AVEN: variants seen among roughly 807,000 people sequenced by gnomAD.
AVEN encodes the protein cell death regulator Aven.
A neutral mutation model predicts 38.1 loss-of-function variants in AVEN; 41 were observed. The ratio of observed to expected loss-of-function variants is 1.08; its 90% CI spans 0.84 to 1.40. The LOEUF (loss-of-function observed/expected upper bound fraction) is 1.40, where lower values mean the gene tolerates loss of function less well. Among genes scored for constraint, AVEN ranks in the 40% most tolerant of loss-of-function variants. The probability of loss-of-function intolerance (pLI) is 0.00; values close to 1 mark genes in which losing one functional copy is unlikely to be tolerated. For missense variants in AVEN, 605 were observed against 438.8 expected, an observed-to-expected ratio of 1.38 and a Z score of -3.38; for synonymous variants, 206 against 171.8, an observed-to-expected ratio of 1.20 and a Z score of -1.56.
At chr15:34,037,978 C>T (rs1397679574) in intron 1 of AVEN, among the ~76,000 whole-genome samples, 1 of 152,172 alleles carries the variant, frequency 6.6e-6, no homozygotes, top group Non-Finnish European at 1.5e-5. Context: ...AAAAGACAGT[C>T]CTCTAACTCC....
intron 2 of AVEN, among the ~76,000 whole-genome samples, chr15:33,942,652 A>C (rs547424587): frequency 6.6e-6 from 1 of 151,956 alleles, no homozygotes; most frequent in Non-Finnish European, 1.5e-5. Flanking sequence ...GGGGTTTCAC[A>C]GTGTTAGCCA....
At chr15:33,883,231 A>G (rs114872053) in intron 2 of AVEN, among the ~76,000 whole-genome samples, 2,411 of 152,280 alleles carry the variant, frequency 0.016, 69 homozygotes, top group African/African-American at 0.054. Flanking sequence ...TAGTATTGCA[A>G]ATGTGTAGTG....
At chr15:33,875,419 G>C (rs1891177691) in intron 3 of AVEN, among the ~76,000 whole-genome samples, 2 of 152,116 alleles carry the variant, frequency 1.3e-5, no homozygotes, top group African/African-American at 4.8e-5. Flanking sequence ...TACACACAAA[G>C]AAAATAAGGC....
chr15:33,978,663 AAAATAAAT>A (rs1211263683), intron 2 of AVEN, among the ~76,000 whole-genome samples: 2 of 151,962 alleles, frequency 1.3e-5, no homozygotes, highest in Non-Finnish European at 2.9e-5. Context: ...ACTCTGTTTC[AAAATAAAT>A]AAATAAATAA....
intron 2 of AVEN, among the ~76,000 whole-genome samples, chr15:33,974,283 G>A (rs990320238): frequency 6.6e-6 from 1 of 152,196 alleles, no homozygotes; most frequent in Non-Finnish European, 1.5e-5. Flanking sequence ...GATGAGTGGA[G>A]AAAGTGACAC....
At chr15:33,937,606 C>T (rs147880577) in intron 2 of AVEN, among the ~76,000 whole-genome samples, 3,818 of 152,102 alleles carry the variant, frequency 0.025, 74 homozygotes, top group African/African-American at 0.048. Context: ...CCCTAACCCC[C>T]CAATGTGATA....
intron 3 of AVEN, among the ~76,000 whole-genome samples, chr15:33,875,272 G>A (rs1891170637): frequency 6.6e-6 from 1 of 152,132 alleles, no homozygotes; most frequent in South Asian, 2.1e-4. Flanking sequence ...CTGGAGTTGG[G>A]GAGCATATCA....
At position 33,939,380 on chromosome 15, in the gene AVEN, C is replaced by T. The variant is rs144743710; in HGVS notation, c.446-63385G>A. ...GAGCATAGGCTAGAAATCAGTATCG[C>T]TTGTTACTTACGGAGTAACACGTAC... On this transcript the variant is annotated intron_variant, in intron 2 of 5. Coordinates refer to ENST00000306730, the MANE Select transcript of AVEN (RefSeq NM_020371.3). Among the ~76,000 whole-genome samples the T allele has an allele frequency of 1.4e-4, 21 of 152,322 alleles. 1 individual carries two copies. In the East Asian group the frequency reaches 3.9e-3, roughly 28 times the overall value.
intron 2 of AVEN, among the ~76,000 whole-genome samples, chr15:33,892,774 C>T (rs1892042339): frequency 6.6e-6 from 1 of 151,574 alleles, no homozygotes; most frequent in Non-Finnish European, 1.5e-5. Flanking sequence ...TCATTGGTAG[C>T]TTGATGGGGA....
the AVEN span, chr15:33,853,153 C>G: frequency 1.5e-6 from 2 of 1,316,146 alleles, no homozygotes; most frequent in Middle Eastern, 1.9e-4. Flanking sequence ...TTTTTAAGTT[C>G]TCCACATACA....
chr15:33,865,762 T>C (rs1392379434), downstream of AVEN: 1 of 153,408 alleles, frequency 6.5e-6, no homozygotes, highest in Non-Finnish European at 1.5e-5. Flanking sequence ...GACACTGAAA[T>C]ATCGATTAAG....
chr15:33,902,282 C>T (rs1411277625), intron 2 of AVEN, among the ~76,000 whole-genome samples: 1 of 152,120 alleles, frequency 6.6e-6, no homozygotes, highest in Non-Finnish European at 1.5e-5. Flanking sequence ...TAGTTTAACA[C>T]ACACAAAATC....
At position 33,974,857 on chromosome 15, in the gene AVEN, C is replaced by T. The variant is rs191487795; in HGVS notation, c.445+28175G>A. ...GTGTGGTGGTGCATGCCTGTAATCC[C>T]CGCTACTTGGAGGCTGGGGCCGGAG... On this transcript the variant is annotated intron_variant, in intron 2 of 5. Transcript: ENST00000306730. Among the ~76,000 whole-genome samples, 161 of 152,196 alleles carry T rather than the reference C, an allele frequency of 1.1e-3. 1 individual carries two copies. The highest frequency in any genetic ancestry group is 3.4e-3 in the Middle Eastern group (1 of 294).
intron 2 of AVEN, among the ~76,000 whole-genome samples, chr15:33,886,547 C>T (rs1891710619): frequency 6.6e-6 from 1 of 152,132 alleles, no homozygotes; most frequent in African/African-American, 2.4e-5. Flanking sequence ...TCGTGATCCG[C>T]CCACCTCAGC....
chr15:33,869,799 TA>T (rs980874247), intron 4 of AVEN, among the ~76,000 whole-genome samples: 13 of 151,706 alleles, frequency 8.6e-5, no homozygotes, highest in African/African-American at 3.2e-4. Flanking sequence ...GGATTCTACT[TA>T]AAATCAGTAC....
intron 2 of AVEN, among the ~76,000 whole-genome samples, chr15:33,893,167 A>G (rs1892059711): frequency 6.6e-6 from 1 of 152,192 alleles, no homozygotes; most frequent in Non-Finnish European, 1.5e-5. Flanking sequence ...ATCTGCAAAC[A>G]GGGACAATTT....
intron 4 of AVEN, among the ~76,000 whole-genome samples, chr15:33,868,324 C>G (rs1230908462): frequency 6.6e-6 from 1 of 151,916 alleles, no homozygotes; most frequent in African/African-American, 2.4e-5. Context: ...GAGATTGAGA[C>G]CATCCTGGCT....
At chr15:33,959,981 G>A (rs1194418866) in intron 2 of AVEN, among the ~76,000 whole-genome samples, 1 of 152,226 alleles carries the variant, frequency 6.6e-6, no homozygotes, top group Non-Finnish European at 1.5e-5. Flanking sequence ...GTGCAGTAGT[G>A]TATAACTACT....
chr15:33,946,582 C>T (rs1357140420), intron 2 of AVEN, among the ~76,000 whole-genome samples: 1 of 152,130 alleles, frequency 6.6e-6, no homozygotes, highest in African/African-American at 2.4e-5. Flanking sequence ...TGTGTTAGCT[C>T]AGATGTCATG....
Sources: gnomAD v4.1 joint callset for allele counts (sites outside exome capture counted in the v4.1 genomes callset) on GRCh38, gnomAD v4.1.1 for gene constraint, MANE v1.5 for transcripts, NCBI Gene and HGNC (gene_info 2026-07-23, HGNC 2026-07-21) for gene names.